ICA1L: variants seen among roughly 807,000 people sequenced by gnomAD.
ICA1L encodes islet cell autoantigen 1 like, also known as islet cell autoantigen 1-like protein.
ICA1L carries 50 observed loss-of-function variants against 61.3 expected under a neutral mutation model. The ratio of observed to expected loss-of-function variants is 0.82; its 90% CI spans 0.65 to 1.03. ICA1L has a LOEUF of 1.03. Among genes scored for constraint, ICA1L ranks in the 50% least tolerant of loss-of-function variants. The pLI is 0.00. For missense variants in ICA1L, 508 were observed against 556.7 expected, an observed-to-expected ratio of 0.91 and a Z score of 0.88; for synonymous variants, 161 against 191.3, an observed-to-expected ratio of 0.84 and a Z score of 1.31.
rs912475651 is a variant in ICA1L at position 202,785,551 on chromosome 2, C to G, written c.1333+367G>C. 2.0e-5 allele frequency among the ~76,000 whole-genome samples: 3 copies of G among 152,172 alleles called. No homozygotes were observed. In the East Asian group the frequency reaches 5.8e-4, roughly 29 times the overall value. ...AATTCTGCCTCAGCCTCCCGATTAG[C>G]TGGGACTACAGGTGCCCGCCACCAT... On this transcript the variant is annotated intron_variant, in intron 12 of 12. Transcript: ENST00000358299.
rs1692322069 is a variant in ICA1L at position 202,779,336 on chromosome 2, C to CA, written c.*196dup. 4.6e-6 allele frequency: 2 copies of CA among 438,874 alleles called. No homozygotes were observed. Among genetic ancestry groups the CA allele is most frequent in the African/African-American group, 4.0e-5 (2 of 49,592 alleles). 27.2% of individuals were successfully genotyped at this position (438,874 alleles called of 1,614,324 possible). ...TCTAATATTTTCCACATAGTACCAACAGCTGCAAATCCAAGATATGAAAGA... is the reference window on the plus strand; with the variant it reads ...TCTAATATTTTCCACATAGTACCAACAAGCTGCAAATCCAAGATATGAAAGA... On this transcript the variant is annotated 3_prime_UTR_variant, in exon 13 of 13. Coordinates refer to ENST00000358299, the MANE Select transcript of ICA1L (RefSeq NM_001288622.3).
intron 1 of ICA1L, among the ~76,000 whole-genome samples, chr2:202,865,234 C>T (rs943639787): frequency 4.6e-5 from 7 of 151,350 alleles, no homozygotes; most frequent in Admixed American, 6.6e-5. Flanking sequence ...TCTGGAAGGC[C>T]GAGGCGGGCG....
At chr2:202,811,657 C>G in intron 9 of ICA1L, 89 bp downstream of exon 9, 1 of 681,254 alleles carries the variant, frequency 1.5e-6, no homozygotes, top group South Asian at 1.7e-5. Context: ...GCAAGACTGT[C>G]TCAAAAAAAA....
Position 202,811,766 on chromosome 2 carries a change from G to T in ICA1L, c.890C>A (p.Ala297Glu). ...CTTACCTTGTTCACTCTCAAAGCTTGCTTCCTCATCAGACAAAACTAGCCT... is the reference window on the plus strand; with the variant it reads ...CTTACCTTGTTCACTCTCAAAGCTTTCTTCCTCATCAGACAAAACTAGCCT... ...LNKLVLSDEE[A>E]SFESEQANKD... Residue 297 changes from alanine to glutamate, a missense_variant, in exon 9 of 13, where the codon GCA (alanine) becomes GAA (glutamate). Physicochemically the swap from Ala to Glu is moderately radical, Grantham distance 107 (BLOSUM62 -1). Transcript: ENST00000358299. 1 of 1,605,840 alleles carries T rather than the reference G, an allele frequency of 6.2e-7. No individual in the cohort carries two copies. Among genetic ancestry groups the T allele is most frequent in the Non-Finnish European group, 8.5e-7 (1 of 1,174,844 alleles).
intron 4 of ICA1L, among the ~76,000 whole-genome samples, chr2:202,820,381 A>T (rs1437579645): frequency 6.6e-6 from 1 of 152,156 alleles, no homozygotes; most frequent in African/African-American, 2.4e-5. Flanking sequence ...TCTCAAAAAA[A>T]AAAAAAAAGT....
At chr2:202,817,273 G>C in intron 6 of ICA1L, 145 bp downstream of exon 6, 1 of 625,872 alleles carries the variant, frequency 1.6e-6, no homozygotes, top group Non-Finnish European at 2.5e-6. Context: ...AGAACTTTTT[G>C]ACTCTCTGAC....
chr2:202,846,755 A>C (rs1694474561), intron 1 of ICA1L, among the ~76,000 whole-genome samples: 1 of 145,894 alleles, frequency 6.9e-6, no homozygotes, highest in African/African-American at 2.5e-5. Context: ...TCATTCATTC[A>C]TTGTTAAATA....
chr2:202,822,552 C>G (rs1163223855), intron 3 of ICA1L, among the ~76,000 whole-genome samples: 1 of 152,108 alleles, frequency 6.6e-6, no homozygotes, highest in African/African-American at 2.4e-5. Flanking sequence ...AGGTCCTTCA[C>G]CACAATTTAA....
intron 11 of ICA1L, among the ~76,000 whole-genome samples, chr2:202,787,742 C>G (rs554264773): frequency 6.6e-6 from 1 of 152,202 alleles, no homozygotes; most frequent in East Asian, 1.9e-4. Context: ...GTGAGGGGTC[C>G]CCCCGTCCAG....
At chr2:202,785,594 G>T (rs951826658) in intron 12 of ICA1L, among the ~76,000 whole-genome samples, 2 of 151,706 alleles carry the variant, frequency 1.3e-5, no homozygotes, top group African/African-American at 4.8e-5. Context: ...TAATTTTTTT[G>T]TTGTTGTATT....
Position 202,791,704 on chromosome 2 carries a change from G to A in ICA1L, c.986-2617C>T, listed in dbSNP as rs183943162. 9.2e-5 allele frequency among the ~76,000 whole-genome samples: 14 copies of A among 151,958 alleles called. No individual in the cohort carries two copies. In the East Asian group the frequency reaches 1.7e-3, roughly 19 times the overall value. On this transcript the variant is annotated intron_variant, in intron 10 of 12. Transcript: ENST00000358299. ...TCTACTAAAAATACAAAATTAGCCA[G>A]GCGTGGTGGCGCATGCCTGTAATCC...
At position 202,806,914 on chromosome 2, in the gene ICA1L, T is replaced by C. The variant is rs573937901; in HGVS notation, c.910+4832A>G. ...GTGGTTCAAATATATGTCGACTGTA[T>C]ATATAACATGTATTTATTTTTTAAA... On this transcript the variant is annotated intron_variant, in intron 9 of 12. Transcript: ENST00000358299. Among the ~76,000 whole-genome samples, 14 of 152,320 alleles carry C rather than the reference T, an allele frequency of 9.2e-5. 1 individual carries two copies. The highest frequency in any genetic ancestry group is 4.1e-4 in the South Asian group (2 of 4,822).
intron 1 of ICA1L, among the ~76,000 whole-genome samples, chr2:202,864,271 T>G (rs900423121): frequency 6.7e-6 from 1 of 149,968 alleles, no homozygotes; most frequent in African/African-American, 2.5e-5. Context: ...CGAGACGGAG[T>G]CTTGCTCTGT....
intron 1 of ICA1L, among the ~76,000 whole-genome samples, chr2:202,833,694 A>G (rs190746834): frequency 2.4e-4 from 36 of 152,380 alleles, no homozygotes; most frequent in African/African-American, 8.2e-4. Context: ...CAGAAATGCT[A>G]ACATTACAGA....
At chr2:202,781,739 T>C (rs1017104405) in intron 12 of ICA1L, among the ~76,000 whole-genome samples, 7 of 152,132 alleles carry the variant, frequency 4.6e-5, no homozygotes, top group African/African-American at 1.7e-4. Context: ...AGCATATATT[T>C]TAGTCAATGG....
At chr2:202,800,284 GATC>G (rs1487832586) in intron 9 of ICA1L, among the ~76,000 whole-genome samples, 9 of 152,208 alleles carry the variant, frequency 5.9e-5, no homozygotes, top group African/African-American at 2.2e-4. Flanking sequence ...GGAAAAGAAA[GATC>G]ATACATATGG....
intron 10 of ICA1L, among the ~76,000 whole-genome samples, chr2:202,794,345 C>CAAAAAAA (rs202022262): frequency 2.2e-5 from 2 of 90,912 alleles, no homozygotes; most frequent in African/African-American, 9.1e-5. Flanking sequence ...GACTCCATCT[C>CAAAAAAA]AAAAAAAAAA....
At chr2:202,843,327 T>C (rs1284216688) in intron 1 of ICA1L, among the ~76,000 whole-genome samples, 1 of 152,158 alleles carries the variant, frequency 6.6e-6, no homozygotes, top group African/African-American at 2.4e-5. Context: ...CTAGTCAGGG[T>C]GCCAGCTGTG....
chr2:202,860,315 G>T (rs960308269), intron 1 of ICA1L: 1 of 106,468 alleles, frequency 9.4e-6, no homozygotes, highest in African/African-American at 3.1e-5. Context: ...ATAATAAATG[G>T]GAAAATAGAA....
Sources: gnomAD v4.1 joint callset for allele counts (sites outside exome capture counted in the v4.1 genomes callset) on GRCh38, gnomAD v4.1.1 for gene constraint, MANE v1.5 for transcripts, NCBI Gene and HGNC (gene_info 2026-07-23, HGNC 2026-07-21) for gene names.